PPP1R7: variants seen among roughly 807,000 people sequenced by gnomAD.
PPP1R7 encodes the protein protein phosphatase 1 regulatory subunit 22.
A neutral mutation model predicts 45.2 loss-of-function variants in PPP1R7; 18 were observed. The observed-to-expected ratio is 0.40, with a 90% CI of 0.28 to 0.59. PPP1R7 has a LOEUF of 0.59. Ranked by LOEUF, PPP1R7 falls within the 20% of genes least tolerant of loss-of-function variation. The pLI is 0.46. For synonymous variants in PPP1R7, 181 were observed against 183.4 expected (o/e 0.99, Z 0.11); for missense variants, 314 against 455.8 (o/e 0.69, Z 2.83).
intron 7 of PPP1R7, among the ~76,000 whole-genome samples, chr2:241,165,083 T>C (rs1053393735): frequency 1.3e-5 from 2 of 152,194 alleles, no homozygotes; most frequent in African/African-American, 4.8e-5. Context: ...ATTAATTTAC[T>C]TTAAAATATT....
intron 2 of PPP1R7, among the ~76,000 whole-genome samples, chr2:241,155,976 TTAAC>T (rs2067448330): frequency 6.6e-6 from 1 of 152,226 alleles, no homozygotes; most frequent in Non-Finnish European, 1.5e-5. Flanking sequence ...ACTTTTTTTT[TTAAC>T]TAACCACAGT....
At chr2:241,154,041 G>A (rs891799434) in intron 2 of PPP1R7, among the ~76,000 whole-genome samples, 2 of 151,456 alleles carry the variant, frequency 1.3e-5, no homozygotes, top group Non-Finnish European at 2.9e-5. Flanking sequence ...TTAGCTGGGC[G>A]TGGCAGCGTG....
At chr2:241,156,984 G>C (rs1435392507) in intron 2 of PPP1R7, among the ~76,000 whole-genome samples, 1 of 152,164 alleles carries the variant, frequency 6.6e-6, no homozygotes, top group Admixed American at 6.5e-5. Context: ...GTGTGCATCT[G>C]TGTGTGTCTT....
chr2:241,162,106 G>A (rs1468597212), intron 6 of PPP1R7, among the ~76,000 whole-genome samples: 1 of 152,226 alleles, frequency 6.6e-6, no homozygotes, highest in East Asian at 1.9e-4. Context: ...AAATAGCAAA[G>A]CAGCACATTT....
intron 2 of PPP1R7, among the ~76,000 whole-genome samples, chr2:241,154,277 TG>T (rs942517277): frequency 4.6e-5 from 7 of 152,082 alleles, no homozygotes; most frequent in South Asian, 4.1e-4. Flanking sequence ...ATAAATGTTA[TG>T]GCTGACTGCT....
chr2:241,152,948 G>GT (rs1209846836), intron 1 of PPP1R7, among the ~76,000 whole-genome samples: 1 of 152,150 alleles, frequency 6.6e-6, no homozygotes, highest in Non-Finnish European at 1.5e-5. Flanking sequence ...CAGCACTATT[G>GT]GCTGTATTCT....
At position 241,157,681 on chromosome 2, in the gene PPP1R7, G is replaced by C. The variant is rs920418288; in HGVS notation, c.182-126G>C. The C allele has an allele frequency of 2.5e-5, 21 of 833,722 alleles. No homozygotes were observed. The African/African-American group carries it at 3.4e-4, about 14-fold the overall frequency. 51.6% of individuals were successfully genotyped at this position (833,722 alleles called of 1,614,324 possible). On this transcript the variant is annotated intron_variant, in intron 2 of 9. Coordinates refer to ENST00000234038, the MANE Select transcript of PPP1R7 (RefSeq NM_002712.3). ...AGGTCCTCAGCAAACCTTCCCATTG[G>C]TTCCTCCTCGGGGTTTGAGCTGGCT...
chr2:241,173,136 G>T (rs1346481264), intron 9 of PPP1R7, among the ~76,000 whole-genome samples: 2 of 151,856 alleles, frequency 1.3e-5, no homozygotes, highest in Non-Finnish European at 2.9e-5. Flanking sequence ...GCTGGGCGTG[G>T]TGGCACGTGC....
chr2:241,160,802 G>A (rs2067570819), intron 6 of PPP1R7, among the ~76,000 whole-genome samples: 1 of 152,240 alleles, frequency 6.6e-6, no homozygotes, highest in Non-Finnish European at 1.5e-5. Context: ...CAACCTGAAT[G>A]CCTTGCTCTT....
intron 9 of PPP1R7, among the ~76,000 whole-genome samples, chr2:241,176,852 G>A (rs1186844891): frequency 1.3e-5 from 2 of 152,230 alleles, no homozygotes; most frequent in Non-Finnish European, 2.9e-5. Context: ...GCTGCAACCA[G>A]CCTGTGATGG....
At chr2:241,167,507 G>A (rs576676706) in intron 8 of PPP1R7, among the ~76,000 whole-genome samples, 39 of 152,342 alleles carry the variant, frequency 2.6e-4, no homozygotes, top group African/African-American at 8.9e-4. Flanking sequence ...GGCTGGGGTT[G>A]GGGCCGGGTG....
At chr2:241,182,430 C>T (rs1025631837) in intron 9 of PPP1R7, among the ~76,000 whole-genome samples, 2 of 152,160 alleles carry the variant, frequency 1.3e-5, no homozygotes, top group Admixed American at 6.5e-5. Flanking sequence ...GTGACTGGCC[C>T]AGGGTTGGCT....
intron 8 of PPP1R7, chr2:241,167,110 T>C (rs1276531252): frequency 1.3e-6 from 2 of 1,598,850 alleles, no homozygotes; most frequent in Non-Finnish European, 1.7e-6. Flanking sequence ...CTCAGCTGCC[T>C]CCAGCTCACC....
chr2:241,182,439 C>T (rs1574741854), intron 9 of PPP1R7, among the ~76,000 whole-genome samples: 1 of 152,298 alleles, frequency 6.6e-6, no homozygotes, highest in East Asian at 1.9e-4. Flanking sequence ...CCAGGGTTGG[C>T]TATGGACAGG....
At chr2:241,156,010 A>C (rs146010255) in intron 2 of PPP1R7, among the ~76,000 whole-genome samples, 2 of 152,334 alleles carry the variant, frequency 1.3e-5, no homozygotes, top group Non-Finnish European at 2.9e-5. Context: ...TAGAAAAGGC[A>C]TAGTGGAAAA....
chr2:241,155,207 T>A (rs2067425432), intron 2 of PPP1R7: 1 of 152,252 alleles, frequency 6.6e-6, no homozygotes, highest in Admixed American at 6.5e-5. Flanking sequence ...GAGCAAGCCT[T>A]GTGTGCTTTC....
intron 9 of PPP1R7, among the ~76,000 whole-genome samples, chr2:241,175,295 A>C (rs1178016758): frequency 1.3e-5 from 2 of 152,196 alleles, no homozygotes; most frequent in African/African-American, 4.8e-5. Flanking sequence ...ACTCTTTTCA[A>C]CTTATAAAAC....
chr2:241,160,183 C>A, intron 5 of PPP1R7, 149 bp from the exon 6 acceptor site: 1 of 632,750 alleles, frequency 1.6e-6, no homozygotes, highest in Non-Finnish European at 2.7e-6. Flanking sequence ...CAGGCGGCAG[C>A]AGGGGCACAG....
At chr2:241,172,924 G>C (rs908451287) in intron 9 of PPP1R7, among the ~76,000 whole-genome samples, 2 of 151,118 alleles carry the variant, frequency 1.3e-5, no homozygotes, top group African/African-American at 4.9e-5. Context: ...TAAATACTTT[G>C]TTCTTTCATC....
Sources: allele counts gnomAD v4.1 joint callset (sites outside exome capture counted in the v4.1 genomes callset), GRCh38; gene constraint gnomAD v4.1.1; transcripts MANE v1.5; gene names NCBI Gene and HGNC (gene_info 2026-07-23, HGNC 2026-07-21).